The following CAB39 variants were observed in gnomAD, a reference collection of about 807,000 sequenced individuals.
The protein encoded by CAB39 is calcium-binding protein 39.
CAB39 carries 8 observed loss-of-function variants against 40.0 expected under a neutral mutation model. The ratio of observed to expected loss-of-function variants is 0.20; its 90% CI spans 0.12 to 0.36. The LOEUF is 0.36. Among genes scored for constraint, CAB39 ranks in the 10% least tolerant of loss-of-function variants. CAB39 has a pLI of 1.00. For synonymous variants in CAB39, 156 were observed against 141.6 expected (o/e 1.10, Z -0.72); for missense variants, 270 against 401.1 (o/e 0.67, Z 2.79).
rs569392771 is a variant in CAB39, at chr2:230,717,758, T to C, written c.-44+4528T>C. 5.7e-4 allele frequency among the ~76,000 whole-genome samples: 86 copies of C among 152,196 alleles called. 1 individual carries two copies. Among genetic ancestry groups the C allele is most frequent in the Non-Finnish European group, 9.4e-4 (64 of 68,030 alleles). On this transcript the variant is annotated intron_variant, in intron 1 of 8. Coordinates refer to ENST00000258418, the MANE Select transcript of CAB39 (RefSeq NM_016289.4). Reference sequence around the variant, plus strand: ...GGGTGTTGTGCCATTTCTGTCTCACTGAGCTTCCCAGTCCCACTGTGCTTT... The same window carrying C: ...GGGTGTTGTGCCATTTCTGTCTCACCGAGCTTCCCAGTCCCACTGTGCTTT...
At chr2:230,738,358 C>T (rs1694822110) in intron 1 of CAB39, among the ~76,000 whole-genome samples, 1 of 152,222 alleles carries the variant, frequency 6.6e-6, no homozygotes, top group Admixed American at 6.5e-5. Flanking sequence ...CCTCCAAAAA[C>T]ACAAGCAAGA....
rs536370465 is a variant in CAB39, at chr2:230,819,585, CAATG to C, written c.*886_*889del. The C allele has an allele frequency of 5.1e-4, 78 of 152,526 alleles. No individual in the cohort carries two copies. Among genetic ancestry groups the C allele is most frequent in the Non-Finnish European group, 9.7e-4 (66 of 68,024 alleles). 9.4% of individuals were successfully genotyped at this position (152,526 alleles called of 1,614,324 possible). On this transcript the variant is annotated 3_prime_UTR_variant, in exon 9 of 9. Coordinates refer to ENST00000258418, the MANE Select transcript of CAB39 (RefSeq NM_016289.4). ...CCTAATACTGAGTTTTTGCAAAAAA[CAATG>C]AATGCTCATATGTAATTGAAATACT...
chr2:230,815,151 ATCAGCACTTTCTT>A (rs1696378356), intron 7 of CAB39, among the ~76,000 whole-genome samples: 1 of 152,248 alleles, frequency 6.6e-6, no homozygotes. Context: ...CACATTTTCA[ATCAGCACTTTCTT>A]TCAGAACAGC....
chr2:230,753,897 A>T (rs1695134418), intron 1 of CAB39, among the ~76,000 whole-genome samples: 1 of 152,220 alleles, frequency 6.6e-6, no homozygotes, highest in Non-Finnish European at 1.5e-5. Context: ...GGCTGTTTTA[A>T]AACAATATTA....
chr2:230,723,847 GT>G (rs1040430516), intron 1 of CAB39, among the ~76,000 whole-genome samples: 2 of 152,226 alleles, frequency 1.3e-5, no homozygotes, highest in Admixed American at 1.3e-4. Context: ...GTGTTTCTCA[GT>G]TTGTTTCTTT....
chr2:230,817,636 G>A (rs923071074), intron 7 of CAB39, 118 bp from the exon 8 acceptor site: 8 of 714,838 alleles, frequency 1.1e-5, no homozygotes, highest in Admixed American at 3.4e-5. Flanking sequence ...TCAGTTCTTC[G>A]GTCTTTTGAG....
chr2:230,816,238 A>C (rs1575966956), intron 7 of CAB39, among the ~76,000 whole-genome samples: 1 of 152,250 alleles, frequency 6.6e-6, no homozygotes, highest in Non-Finnish European at 1.5e-5. Flanking sequence ...GTGCCACTGC[A>C]CTCCAGCCTT....
chr2:230,791,260 G>C (rs1307956809), intron 3 of CAB39, among the ~76,000 whole-genome samples: 2 of 152,138 alleles, frequency 1.3e-5, no homozygotes, highest in Non-Finnish European at 2.9e-5. Flanking sequence ...CATCACATTG[G>C]ACATGGAGTT....
intron 1 of CAB39, chr2:230,725,382 G>C (rs377103201): frequency 6.3e-7 from 1 of 1,599,914 alleles, no homozygotes. Context: ...ACGAAGTCTC[G>C]GTGCTTTTGG....
At chr2:230,739,948 G>C (rs1694848614) in intron 1 of CAB39, among the ~76,000 whole-genome samples, 1 of 152,198 alleles carries the variant, frequency 6.6e-6, no homozygotes, top group African/African-American at 2.4e-5. Context: ...CTTATCAGTG[G>C]TTTATAAAAT....
intron 1 of CAB39, among the ~76,000 whole-genome samples, chr2:230,738,814 C>A (rs1694829189): frequency 6.6e-6 from 1 of 152,152 alleles, no homozygotes; most frequent in East Asian, 1.9e-4. Context: ...GAGTGATTTT[C>A]CAGGTTTACA....
At chr2:230,739,624 G>A (rs896951063) in intron 1 of CAB39, among the ~76,000 whole-genome samples, 3 of 152,146 alleles carry the variant, frequency 2.0e-5, no homozygotes, top group African/African-American at 4.8e-5. Flanking sequence ...CCTCCCAAGT[G>A]GCTAGGATTA....
At chr2:230,725,912 AC>A (rs1183017299) in intron 1 of CAB39, among the ~76,000 whole-genome samples, 3 of 152,206 alleles carry the variant, frequency 2.0e-5, no homozygotes, top group African/African-American at 7.2e-5. Flanking sequence ...ATCAGACTGC[AC>A]TTGATGTTGA....
intron 4 of CAB39, among the ~76,000 whole-genome samples, chr2:230,794,780 C>G (rs912131299): frequency 6.6e-6 from 1 of 152,176 alleles, no homozygotes; most frequent in African/African-American, 2.4e-5. Flanking sequence ...TCAACAGTTA[C>G]GAATGTTCTG....
intron 1 of CAB39, chr2:230,725,248 T>C (rs947406846): frequency 1.2e-5 from 19 of 1,588,070 alleles, no homozygotes; most frequent in Non-Finnish European, 1.6e-5. Context: ...CATCTTTCTT[T>C]AGCACCAGAA....
intron 1 of CAB39, among the ~76,000 whole-genome samples, chr2:230,727,398 G>GTGTT (rs760656084): frequency 2.4e-5 from 3 of 124,594 alleles, no homozygotes; most frequent in African/African-American, 8.8e-5. Flanking sequence ...GTGTGTGTGT[G>GTGTT]TATTTTTTTT....
intron 1 of CAB39, among the ~76,000 whole-genome samples, chr2:230,729,380 G>T (rs1035620565): frequency 4.6e-5 from 7 of 152,210 alleles, no homozygotes; most frequent in African/African-American, 1.7e-4. Flanking sequence ...TTGGAAACTG[G>T]TGGAATATAG....
intron 7 of CAB39, among the ~76,000 whole-genome samples, chr2:230,814,774 T>G (rs1218718759): frequency 6.6e-6 from 1 of 152,202 alleles, no homozygotes; most frequent in Non-Finnish European, 1.5e-5. Context: ...CTAAAATATT[T>G]ACTGTTTGGC....
At chr2:230,803,682 G>A (rs9752613) in intron 5 of CAB39, among the ~76,000 whole-genome samples, 54,599 of 152,006 alleles carry the variant, frequency 0.36, 13,572 homozygotes, top group African/African-American at 0.71. Flanking sequence ...ATACCTAGGA[G>A]TGCAACTTAC....
Sources: gnomAD v4.1 joint callset for allele counts (sites outside exome capture counted in the v4.1 genomes callset) on GRCh38, gnomAD v4.1.1 for gene constraint, MANE v1.5 for transcripts, NCBI Gene and HGNC (gene_info 2026-07-23, HGNC 2026-07-21) for gene names.